Variants in ANXA7 observed in about 807,000 individuals in gnomAD.
The protein encoded by ANXA7 is annexin VII.
In ANXA7, 55 loss-of-function variants were observed where a neutral mutation model predicts 64.9. The observed-to-expected ratio is 0.85, with a 90% confidence interval of 0.68 to 1.06. The LOEUF (loss-of-function observed/expected upper bound fraction) is 1.06, where lower values mean the gene tolerates loss of function less well. Among genes scored for constraint, ANXA7 ranks in the 50% least tolerant of loss-of-function variants. ANXA7 has a pLI of 0.00. For missense variants in ANXA7, 548 were observed against 582.1 expected (o/e 0.94, Z 0.60); for synonymous variants, 200 against 192.4 (o/e 1.04, Z -0.33).
chr10:73,394,208 A>G (rs1487420808), intron 5 of ANXA7, among the ~76,000 whole-genome samples: 1 of 152,176 alleles, frequency 6.6e-6, no homozygotes, highest in Non-Finnish European at 1.5e-5. Flanking sequence ...AAGTCAGCAA[A>G]CAACACGTGC....
intron 7 of ANXA7, among the ~76,000 whole-genome samples, chr10:73,384,594 G>T (rs984100274): frequency 6.6e-6 from 1 of 152,040 alleles, no homozygotes; most frequent in African/African-American, 2.4e-5. Flanking sequence ...TAGAGATGGG[G>T]TTTCACATGT....
At chr10:73,408,791 A>G (rs1198336835) in intron 1 of ANXA7, among the ~76,000 whole-genome samples, 5 of 152,222 alleles carry the variant, frequency 3.3e-5, no homozygotes. Context: ...GCATTTTTGT[A>G]ATAGGAAAAG....
At chr10:73,405,845 T>TA in intron 1 of ANXA7, among the ~76,000 whole-genome samples, 1 of 152,292 alleles carries the variant, frequency 6.6e-6, no homozygotes, top group East Asian at 1.9e-4. Flanking sequence ...ATGTGTATAA[T>TA]AAAATACTCG....
intron 9 of ANXA7, among the ~76,000 whole-genome samples, chr10:73,380,652 A>G (rs1192523745): frequency 1.3e-5 from 2 of 152,180 alleles, no homozygotes; most frequent in African/African-American, 4.8e-5. Flanking sequence ...AAATATAACT[A>G]GTAATTTATT....
At chr10:73,410,367 T>A (rs1041594311) in intron 1 of ANXA7, among the ~76,000 whole-genome samples, 1 of 151,962 alleles carries the variant, frequency 6.6e-6, no homozygotes, top group Non-Finnish European at 1.5e-5. Context: ...TCTCAAAAGA[T>A]ACACAAATGG....
intron 1 of ANXA7, among the ~76,000 whole-genome samples, chr10:73,402,027 T>C (rs1368823533): frequency 1.3e-5 from 2 of 152,222 alleles, no homozygotes; most frequent in Non-Finnish European, 2.9e-5. Flanking sequence ...GAAGGTAATA[T>C]TAAAATAAAT....
chr10:73,383,691 C>G lies in ANXA7; in HGVS notation c.634-1G>C. ...CTGATTTGAGATCTTTGATTAAATC[C>G]TATTTAATCACAAATACAAGCTAAG... On this transcript the variant is annotated splice_acceptor_variant, in intron 7 of 12. Coordinates refer to ENST00000372921, the MANE Select transcript of ANXA7 (RefSeq NM_001156.5). LOFTEE classifies it high-confidence loss of function. 2 of 1,567,088 alleles carry G rather than the reference C, an allele frequency of 1.3e-6. No individual in the cohort carries two copies. Among genetic ancestry groups the G allele is most frequent in the Non-Finnish European group, 1.8e-6 (2 of 1,138,014 alleles).
chr10:73,378,948 T>A lies in ANXA7; in HGVS notation c.1241A>T (p.Asp414Val). The change falls in exon 12 of 13, where the codon GAC becomes GTC. Residue 414 changes from aspartate to valine, a missense_variant. By Grantham distance (152) the Asp-to-Val change is radical. Coordinates refer to ENST00000372921, the MANE Select transcript of ANXA7 (RefSeq NM_001156.5). Reference protein sequence around the residue: ...YYAMKGAGTDDSTLVRIVVTR... With the variant: ...YYAMKGAGTDVSTLVRIVVTR... Reference sequence around the variant, plus strand: ...GACCACAATCCGGACCAGGGTGGAGTCATCTGTGCCAGCACCTTTCATAGC... The same window carrying A: ...GACCACAATCCGGACCAGGGTGGAGACATCTGTGCCAGCACCTTTCATAGC... The A allele has an allele frequency of 6.2e-7, 1 of 1,613,060 alleles. No individual in the cohort carries two copies. The highest frequency in any genetic ancestry group is 8.5e-7 in the Non-Finnish European group (1 of 1,179,616).
chr10:73,391,138 C>G lies in ANXA7; in HGVS notation c.436-2724G>C, dbSNP rs954744440. 2.0e-5 allele frequency among the ~76,000 whole-genome samples: 3 copies of G among 146,462 alleles called. No individual in the cohort carries two copies. The Admixed American group carries it at 2.1e-4, about 10-fold the overall frequency. On this transcript the variant is annotated intron_variant, in intron 5 of 12. Transcript: ENST00000372921. ...ACCCCAGATCGCGCCACTGCACACT[C>G]TAGCCTGGCAACAGAGTGAGACTCT...
At chr10:73,393,688 C>T (rs189527055) in intron 5 of ANXA7, among the ~76,000 whole-genome samples, 15,468 of 152,170 alleles carry the variant, frequency 0.1, 1,129 homozygotes, top group East Asian at 0.3. Context: ...CCCTTCCTTA[C>T]ACCTTATACA....
chr10:73,382,379 AT>A, intron 9 of ANXA7, among the ~76,000 whole-genome samples: 1 of 151,518 alleles, frequency 6.6e-6, no homozygotes, highest in East Asian at 2.0e-4. Context: ...ATCTCACTCT[AT>A]TGCCCAGGCT....
At chr10:73,382,248 T>G (rs2055287551) in intron 9 of ANXA7, among the ~76,000 whole-genome samples, 1 of 152,360 alleles carries the variant, frequency 6.6e-6, no homozygotes, top group South Asian at 2.1e-4. Flanking sequence ...ACTAGCACAA[T>G]AGGCAATAAC....
At chr10:73,397,297 A>G (rs1458980237) in intron 3 of ANXA7, 23 bp from the exon 4 acceptor site, 1 of 1,487,838 alleles carries the variant, frequency 6.7e-7, no homozygotes, top group South Asian at 1.2e-5. Flanking sequence ...ACATGTCAAT[A>G]AACTATAGTA....
rs1368606886 is a variant in ANXA7 at position 73,388,390 on chromosome 10, G to C, written c.460C>G (p.Gln154Glu). Reference protein sequence around the residue: ...SQPATVTQVTQGTIRPAANFD... With the variant: ...SQPATVTQVTEGTIRPAANFD... Reference sequence around the variant, plus strand: ...TTGGCAGCTGGTCGGATAGTTCCTTGAGTGACCTGAGTCACTGTGGCAGGC... The same window carrying C: ...TTGGCAGCTGGTCGGATAGTTCCTTCAGTGACCTGAGTCACTGTGGCAGGC... Residue 154 changes from glutamine (Q) to glutamate (E), a missense_variant, in exon 6 of 13, where the codon CAA becomes GAA. By Grantham distance (29) the Gln-to-Glu change is conservative (BLOSUM62 2). Transcript: ENST00000372921. The C allele has an allele frequency of 1.2e-6, 2 of 1,613,746 alleles. No individual in the cohort carries two copies. The highest frequency in any genetic ancestry group is 1.7e-6 in the Non-Finnish European group (2 of 1,179,712).
intron 5 of ANXA7, chr10:73,396,103 T>C (rs776544921): frequency 6.3e-7 from 1 of 1,588,232 alleles, no homozygotes; most frequent in East Asian, 2.2e-5. Context: ...AAAGAATCTG[T>C]ATTGATCTGA....
intron 1 of ANXA7, among the ~76,000 whole-genome samples, chr10:73,410,351 G>C (rs945981212): frequency 6.6e-6 from 1 of 151,920 alleles, no homozygotes; most frequent in African/African-American, 2.4e-5. Context: ...GACATGAATA[G>C]ACATTTCTCA....
chr10:73,401,781 C>T (rs1327006155), intron 1 of ANXA7, among the ~76,000 whole-genome samples: 6 of 151,264 alleles, frequency 4.0e-5, no homozygotes, highest in East Asian at 2.0e-4. Flanking sequence ...GGATTACAGG[C>T]GTAAGCCACC....
intron 12 of ANXA7, among the ~76,000 whole-genome samples, chr10:73,376,722 A>C (rs1011736183): frequency 2.0e-5 from 3 of 152,130 alleles, no homozygotes; most frequent in African/African-American, 7.2e-5. Flanking sequence ...TTGTACATCC[A>C]TGTTCATAGC....
At position 73,388,360 on chromosome 10, in the gene ANXA7, C is replaced by T. The variant is rs142735473; in HGVS notation, c.490G>A (p.Asp164Asn). ...QGTIRPAANF[D>N]AIRDAEILRK... ...AGAATTTCTGCATCTCTTATAGCATCGAAGTTGGCAGCTGGTCGGATAGTT... is the reference window on the plus strand; with the variant it reads ...AGAATTTCTGCATCTCTTATAGCATTGAAGTTGGCAGCTGGTCGGATAGTT... The change falls in exon 6 of 13, where the codon GAT becomes AAT. Residue 164 changes from aspartate to asparagine, a missense_variant. Physicochemically the swap from Asp to Asn is conservative, Grantham distance 23. Transcript: ENST00000372921. 9.9e-6 allele frequency: 16 copies of T among 1,614,036 alleles called. No homozygotes were observed. In the East Asian group the frequency reaches 1.3e-4, roughly 13 times the overall value.
Sources: allele counts gnomAD v4.1 joint callset (sites outside exome capture counted in the v4.1 genomes callset), GRCh38; gene constraint gnomAD v4.1.1; transcripts MANE v1.5; gene names NCBI Gene and HGNC (gene_info 2026-07-23, HGNC 2026-07-21).